Variants in CDX1 observed in about 807,000 individuals in gnomAD.
The protein encoded by CDX1 is homeobox protein CDX-1.
In CDX1, 9 loss-of-function variants were observed where a neutral mutation model predicts 16.9. The observed-to-expected ratio is 0.53, with a 90% CI of 0.32 to 0.93. CDX1 has a LOEUF of 0.93. Ranked by LOEUF, CDX1 falls within the 40% of genes least tolerant of loss-of-function variation. The pLI is 0.04. For missense variants in CDX1, 393 were observed against 386.1 expected (o/e 1.02, Z -0.15); for synonymous variants, 179 against 179.0 (o/e 1.00, Z 0.00).
At chr5:150,179,458 C>T (rs1761613210) in intron 1 of CDX1, among the ~76,000 whole-genome samples, 2 of 152,242 alleles carry the variant, frequency 1.3e-5, no homozygotes, top group Non-Finnish European at 2.9e-5. Context: ...AGAGCTGGGC[C>T]TGAGGTCAGA....
chr5:150,178,456 C>T (rs981721572), intron 1 of CDX1, among the ~76,000 whole-genome samples: 3 of 152,108 alleles, frequency 2.0e-5, no homozygotes, highest in Non-Finnish European at 4.4e-5. Flanking sequence ...CCTGGACTTC[C>T]CCCTTAGCTC....
At chr5:150,180,135 C>T (rs899690549) in intron 1 of CDX1, among the ~76,000 whole-genome samples, 1 of 152,248 alleles carries the variant, frequency 6.6e-6, no homozygotes, top group Non-Finnish European at 1.5e-5. Flanking sequence ...AGCTTTAGCC[C>T]AGTGAACCCA....
intron 1 of CDX1, among the ~76,000 whole-genome samples, chr5:150,173,967 G>A (rs1402438410): frequency 6.6e-6 from 1 of 152,244 alleles, no homozygotes; most frequent in Non-Finnish European, 1.5e-5. Context: ...AGAGGAAGTA[G>A]CAGGTTTGTT....
intron 1 of CDX1, among the ~76,000 whole-genome samples, chr5:150,172,833 A>T (rs1761524039): frequency 6.6e-6 from 1 of 152,194 alleles, no homozygotes; most frequent in African/African-American, 2.4e-5. Context: ...TTTGGCAGAT[A>T]TTGCTGCTCA....
intron 1 of CDX1, among the ~76,000 whole-genome samples, chr5:150,172,061 C>G (rs1489069819): frequency 6.6e-6 from 1 of 152,222 alleles, no homozygotes; most frequent in Non-Finnish European, 1.5e-5. Flanking sequence ...CATTGCCCTC[C>G]CTTCCCTCTC....
chr5:150,182,704 T>C, intron 1 of CDX1, 64 bp from the exon 2 acceptor site: 1 of 1,480,722 alleles, frequency 6.8e-7, no homozygotes, highest in Non-Finnish European at 9.0e-7. Context: ...GGGTCCTGCC[T>C]GGGCCTTTTT....
At position 150,166,862 on chromosome 5, in the gene CDX1, G is replaced by T; in HGVS notation, c.-15G>T. The T allele has an allele frequency of 2.0e-6, 3 of 1,464,666 alleles. No individual in the cohort carries two copies. The highest frequency in any genetic ancestry group is 2.7e-6 in the Non-Finnish European group (3 of 1,111,278). 90.7% of individuals were successfully genotyped at this position (1,464,666 alleles called of 1,614,324 possible). A position where few individuals can be genotyped will look rare whatever the true frequency, so the allele number is the denominator to read the frequency against. On this transcript the variant is annotated 5_prime_UTR_variant, in exon 1 of 3. Transcript: ENST00000231656. Reference sequence around the variant, plus strand: ...GCTCCAGGGCCCAGCATGCGCGGGGGACCCCGCGGCCACCATGTATGTGGG... The same window carrying T: ...GCTCCAGGGCCCAGCATGCGCGGGGTACCCCGCGGCCACCATGTATGTGGG...
chr5:150,171,159 C>G (rs1761500660), intron 1 of CDX1, among the ~76,000 whole-genome samples: 1 of 152,088 alleles, frequency 6.6e-6, no homozygotes, highest in East Asian at 1.9e-4. Context: ...ATTGCAGGTC[C>G]TCTCCCTTGG....
At chr5:150,176,989 AG>A (rs1456606889) in intron 1 of CDX1, among the ~76,000 whole-genome samples, 1 of 152,246 alleles carries the variant, frequency 6.6e-6, no homozygotes, top group Non-Finnish European at 1.5e-5. Flanking sequence ...TTTGTGGTCC[AG>A]GCCTTGGGGG....
intron 1 of CDX1, among the ~76,000 whole-genome samples, chr5:150,172,661 G>C (rs1328296585): frequency 6.6e-6 from 1 of 152,196 alleles, no homozygotes; most frequent in Admixed American, 6.5e-5. Flanking sequence ...GTAAGAGGCT[G>C]GGGGAGGAGG....
chr5:150,167,501 G>A (rs1404057793), intron 1 of CDX1, among the ~76,000 whole-genome samples, 180 bp downstream of exon 1: 1 of 152,206 alleles, frequency 6.6e-6, no homozygotes, highest in Non-Finnish European at 1.5e-5. Flanking sequence ...CAGGCTATCG[G>A]AGCCTTCAGC....
intron 1 of CDX1, among the ~76,000 whole-genome samples, chr5:150,180,216 G>A (rs139778636): frequency 7.2e-5 from 11 of 152,354 alleles, no homozygotes; most frequent in African/African-American, 2.4e-4. Context: ...TTTTTGAGCC[G>A]GCGTTGCATT....
At chr5:150,183,294 G>A (rs1420335066) in intron 2 of CDX1, among the ~76,000 whole-genome samples, 180 bp from the exon 3 acceptor site, 1 of 152,132 alleles carries the variant, frequency 6.6e-6, no homozygotes, top group Non-Finnish European at 1.5e-5. Flanking sequence ...CAGGGTAGGG[G>A]TGCAATGTCT....
At chr5:150,172,929 G>C (rs186367430) in intron 1 of CDX1, among the ~76,000 whole-genome samples, 2 of 152,094 alleles carry the variant, frequency 1.3e-5, no homozygotes, top group Admixed American at 6.5e-5. Flanking sequence ...TTAATGGGCC[G>C]GCCTCTCAGG....
chr5:150,180,346 A>ACT (rs1277535774), intron 1 of CDX1, among the ~76,000 whole-genome samples: 1 of 152,216 alleles, frequency 6.6e-6, no homozygotes. Flanking sequence ...TGGGCAGCGG[A>ACT]CTGAGGTCAG....
chr5:150,179,830 A>C (rs1421981892), intron 1 of CDX1, among the ~76,000 whole-genome samples: 1 of 152,188 alleles, frequency 6.6e-6, no homozygotes, highest in African/African-American at 2.4e-5. Flanking sequence ...GTGGTCTGCT[A>C]TTTAAGCTTC....
intron 1 of CDX1, among the ~76,000 whole-genome samples, chr5:150,181,264 CTT>C (rs1021023904): frequency 3.9e-5 from 6 of 152,024 alleles, no homozygotes; most frequent in Non-Finnish European, 7.4e-5. Context: ...CTGCATGACT[CTT>C]TTTTTTGTTT....
At chr5:150,177,096 C>A (rs1761578117) in intron 1 of CDX1, among the ~76,000 whole-genome samples, 1 of 152,260 alleles carries the variant, frequency 6.6e-6, no homozygotes, top group Non-Finnish European at 1.5e-5. Context: ...GGAGCAGAGG[C>A]CACACTCTGT....
chr5:150,169,092 C>G (rs1761471409), intron 1 of CDX1, among the ~76,000 whole-genome samples: 1 of 152,078 alleles, frequency 6.6e-6, no homozygotes, highest in Admixed American at 6.5e-5. Context: ...GCTTCCTGCT[C>G]ATGGGGTGAC....
Sources: gnomAD v4.1 joint callset for allele counts (sites outside exome capture counted in the v4.1 genomes callset) on GRCh38, gnomAD v4.1.1 for gene constraint, MANE v1.5 for transcripts, NCBI Gene and HGNC (gene_info 2026-07-23, HGNC 2026-07-21) for gene names.